LRP2: variants seen among roughly 807,000 people sequenced by gnomAD.
LRP2 encodes the protein LDL receptor related protein 2.
Under a neutral mutation model 531.0 loss-of-function variants are expected in LRP2, and 172 were observed. The ratio of observed to expected loss-of-function variants is 0.32; its 90% CI spans 0.29 to 0.37. LRP2 has a LOEUF of 0.37. Among genes scored for constraint, LRP2 ranks in the 10% least tolerant of loss-of-function variants. The pLI is 1.00. For missense variants in LRP2, 5,167 were observed against 5,868.3 expected (o/e 0.88, Z 3.90); for synonymous variants, 1,992 against 2,027.6 (o/e 0.98, Z 0.47).
At chr2:169,361,427 T>C (rs1686159919) in intron 1 of LRP2, among the ~76,000 whole-genome samples, 1 of 149,310 alleles carries the variant, frequency 6.7e-6, no homozygotes, top group Admixed American at 6.7e-5. Context: ...TCTCTCTCTC[T>C]TCTCCCGCCC....
chr2:169,157,429 AAAT>A lies in LRP2; in HGVS notation c.11958_11960del (p.Phe3987del). ...CGAACCCAGCTGTACAGGAGCAGAT[AAAT>A]CCTCCTTCATTTAATTGGGTACAAT... On this transcript the variant is annotated inframe_deletion, in exon 64 of 79. Transcript: ENST00000649046. 6.7e-7 allele frequency: 1 copy of A among 1,496,388 alleles called. No individual in the cohort carries two copies. The highest frequency in any genetic ancestry group is 9.3e-7 in the Non-Finnish European group (1 of 1,075,842). The allele number at this position is 1,496,388 out of a possible 1,614,324, so 92.7% of individuals were successfully genotyped here.
rs750071115 is a variant in LRP2, at chr2:169,140,500, T to C, written c.13154A>G (p.His4385Arg). ...CTCATCAAAATAGCAATTTCCTCCG[T>C]GCATGCACCTGCATGGGGGGGGCAG... ...INLPPPCRCMHGGNCYFDETD... is the reference protein window; with the variant it reads ...INLPPPCRCMRGGNCYFDETD... Residue 4385 changes from histidine to arginine, a missense_variant, in exon 72 of 79, where the codon CAC (histidine) becomes CGC (arginine). Physicochemically the swap from His to Arg is conservative, Grantham distance 29. Around this residue, in one of 6 missense-constraint regions of LRP2, gnomAD observed 348 missense variants for 369.3 expected, o/e 0.94. Coordinates refer to ENST00000649046, the MANE Select transcript of LRP2 (RefSeq NM_004525.3). The C allele has an allele frequency of 1.5e-5, 25 of 1,613,982 alleles. No individual in the cohort carries two copies. The African/African-American group carries it at 3.1e-4, about 20-fold the overall frequency.
rs571456701 is a variant in LRP2, at chr2:169,319,092, G to T, written c.188-208C>A. ...AGCAACAGCATCACAACAAACTCAT[G>T]AACCAAAGCAACTTAAAAACACAGA... On this transcript the variant is annotated intron_variant, in intron 2 of 78. Transcript: ENST00000649046. 2.2e-3 allele frequency among the ~76,000 whole-genome samples: 339 copies of T among 152,302 alleles called. 1 individual carries two copies. The highest frequency in any genetic ancestry group is 7.8e-3 in the African/African-American group (323 of 41,570).
rs114123637 is a variant in LRP2 at position 169,171,565 on chromosome 2, A to G, written c.11263+450T>C. Among the ~76,000 whole-genome samples the G allele has an allele frequency of 9.6e-3, 1,455 of 152,270 alleles. 21 individuals are homozygous for G. The highest frequency in any genetic ancestry group is 0.033 in the African/African-American group (1,371 of 41,542). On this transcript the variant is annotated intron_variant, in intron 58 of 78. Transcript: ENST00000649046. Reference sequence around the variant, plus strand: ...TTCTAGGAAGGGTAATAATGCAAACACAAGTTCTCTCTCCTCTCCTATGAA... The same window carrying G: ...TTCTAGGAAGGGTAATAATGCAAACGCAAGTTCTCTCTCCTCTCCTATGAA...
At chr2:169,169,658 A>T in intron 60 of LRP2, 44 bp downstream of exon 60, 1 of 1,446,318 alleles carries the variant, frequency 6.9e-7, no homozygotes, top group South Asian at 1.1e-5. Flanking sequence ...TATCATATCC[A>T]TGCTCTCAGG....
chr2:169,255,968 T>TA lies in LRP2; in HGVS notation c.2770+137dup, dbSNP rs3836046. On this transcript the variant is annotated intron_variant, in intron 19 of 78. Transcript: ENST00000649046. ...ACAAACCAAATGTTTTGTCTAAATA[T>TA]ATAGCACCATTTTAAATTTTTTCAT... 0.5 allele frequency: 402,065 copies of TA among 811,896 alleles called. 103,813 individuals carry two copies. The highest frequency in any genetic ancestry group is 0.73 in the South Asian group (45,511 of 62,606). 50.3% of individuals were successfully genotyped at this position (811,896 alleles called of 1,614,324 possible). A position where few individuals can be genotyped will look rare whatever the true frequency, so the allele number is the denominator to read the frequency against.
intron 49 of LRP2, 124 bp from the exon 50 acceptor site, chr2:169,186,143 C>T: frequency 3.9e-6 from 3 of 777,956 alleles, no homozygotes; most frequent in Non-Finnish European, 6.2e-6. Context: ...AGACAGACAA[C>T]AAAGACTTCC....
Position 169,206,632 on chromosome 2 carries a change from A to G in LRP2, c.7088T>C (p.Leu2363Ser), listed in dbSNP as rs1344464583. ...CSHLCFALPG[L>S]HTPKCDCAFG... ...GGCACAGTCACATTTTGGGGTGTGC[A>G]ATCCAGGCAGAGCAAAGCAGAGATG... The change falls in exon 39 of 79, where the codon TTG becomes TCG. Residue 2363 changes from leucine (L) to serine (S), a missense_variant. This residue lies in a region of LRP2 where 2,811 missense variants were observed against 3,058.0 expected (regional missense o/e 0.92). Coordinates refer to ENST00000649046, the MANE Select transcript of LRP2 (RefSeq NM_004525.3). 1 of 1,614,050 alleles carries G rather than the reference A, an allele frequency of 6.2e-7. No individual in the cohort carries two copies. Among genetic ancestry groups the G allele is most frequent in the African/African-American group, 1.3e-5 (1 of 74,908 alleles).
chr2:169,136,811 A>C (rs188902709), intron 76 of LRP2, among the ~76,000 whole-genome samples: 119 of 152,274 alleles, frequency 7.8e-4, no homozygotes, highest in Admixed American at 3.5e-3. Context: ...CACACACACA[A>C]AAAAAGATGA....
At chr2:169,310,433 G>A (rs571948474) in intron 3 of LRP2, among the ~76,000 whole-genome samples, 4 of 152,244 alleles carry the variant, frequency 2.6e-5, no homozygotes, top group African/African-American at 4.8e-5. Flanking sequence ...TTTGTCAAAG[G>A]CCTTTTCTGC....
At chr2:169,179,900 T>G (rs1227548647) in intron 52 of LRP2, among the ~76,000 whole-genome samples, 1 of 151,936 alleles carries the variant, frequency 6.6e-6, no homozygotes, top group Non-Finnish European at 1.5e-5. Flanking sequence ...TTAACATGGC[T>G]CATGAATATT....
rs1687093721 is a variant in LRP2 at position 169,173,950 on chromosome 2, T to A, written c.10983A>T (p.Gly3661=). 6.2e-7 allele frequency: 1 copy of A among 1,614,224 alleles called. No homozygotes were observed. Among genetic ancestry groups the A allele is most frequent in the African/African-American group, 1.3e-5 (1 of 75,062 alleles). Residue 3661 remains glycine (G), a synonymous_variant, in exon 56 of 79, where the codon GGA becomes GGT. Transcript: ENST00000649046. ...CTTCAATGGGCTCATCCGAGTGGTC[T>A]CCACAATCATTATCCACATCACACT... The part of the protein sequence containing the change: ...AWKCDVDNDC[G]DHSDEPIEEC...
At chr2:169,332,575 C>G (rs1005676040) in intron 1 of LRP2, among the ~76,000 whole-genome samples, 1 of 152,074 alleles carries the variant, frequency 6.6e-6, no homozygotes, top group Non-Finnish European at 1.5e-5. Flanking sequence ...GGCAACTCAC[C>G]CTTATTTAGC....
intron 6 of LRP2, among the ~76,000 whole-genome samples, chr2:169,293,065 G>A (rs1213145000): frequency 6.6e-6 from 1 of 152,042 alleles, no homozygotes; most frequent in Non-Finnish European, 1.5e-5. Flanking sequence ...GTTCCAGAAA[G>A]GAAGTCAGGC....
chr2:169,175,080 T>C (rs1687140861), intron 55 of LRP2, 113 bp downstream of exon 55: 3 of 995,796 alleles, frequency 3.0e-6, no homozygotes, highest in African/African-American at 1.6e-5. Flanking sequence ...AGTTTCCTTC[T>C]AGGACTTTGA....
chr2:169,211,463 A>G (rs749488292), intron 37 of LRP2, among the ~76,000 whole-genome samples: 2 of 152,208 alleles, frequency 1.3e-5, no homozygotes, highest in African/African-American at 4.8e-5. Context: ...TTTTGCTTCA[A>G]TTCACCAAAT....
intron 43 of LRP2, among the ~76,000 whole-genome samples, chr2:169,202,542 C>T (rs1046472983): frequency 6.6e-6 from 1 of 152,156 alleles, no homozygotes; most frequent in African/African-American, 2.4e-5. Flanking sequence ...ATTACAAATG[C>T]GATCACCAGG....
rs1553487410 is a variant in LRP2, at chr2:169,160,685, A to AAAAAAAAAACAAAAAAAAAAAAAC, written c.11887+1786_11887+1787insGTTTTTTTTTTTTTGTTTTTTTTT. ...TTGTTTGTGCTACTTATTTCCTTAA[A>AAAAAAAAAACAAAAAAAAAAAAAC]AAAAAAAAAACCTGCTACTAATTAA... On this transcript the variant is annotated intron_variant, in intron 63 of 78. Coordinates refer to ENST00000649046, the MANE Select transcript of LRP2 (RefSeq NM_004525.3). 7.4e-5 allele frequency among the ~76,000 whole-genome samples: 7 copies of AAAAAAAAAACAAAAAAAAAAAAAC among 94,234 alleles called. 1 individual carries two copies. Among genetic ancestry groups the AAAAAAAAAACAAAAAAAAAAAAAC allele is most frequent in the African/African-American group, 3.2e-4 (7 of 21,954 alleles). The allele number at this position is 94,234 out of a possible 152,430, so 61.8% of individuals were successfully genotyped here.
At position 169,139,276 on chromosome 2, in the gene LRP2, A is replaced by G. The variant is rs748926618; in HGVS notation, c.13363T>C (p.Leu4455=). Residue 4455 remains leucine, a synonymous_variant, in exon 74 of 79, where the codon TTG becomes CTG. Coordinates refer to ENST00000649046, the MANE Select transcript of LRP2 (RefSeq NM_004525.3). The part of the protein sequence containing the change: ...FFHYRRTGSL[L]PALPKLPSLS... The stretch of plus-strand genomic sequence containing the variant: ...CTTGGCAGCTTGGGCAGAGCAGGCA[A>G]AAGGGAGCCGGTCCTTCTATAGTGG... 9.3e-6 allele frequency: 15 copies of G among 1,614,088 alleles called. No individual in the cohort carries two copies. The Admixed American group carries it at 1.0e-4, about 11-fold the overall frequency.
Sources: allele counts gnomAD v4.1 joint callset (sites outside exome capture counted in the v4.1 genomes callset), GRCh38; gene constraint gnomAD v4.1.1; regional missense constraint gnomAD v4.1.1; transcripts MANE v1.5; gene names NCBI Gene and HGNC (gene_info 2026-07-23, HGNC 2026-07-21).